The following TNXB variants were observed in gnomAD, a reference collection of about 807,000 sequenced individuals.
TNXB encodes the protein tenascin-X.
Under a neutral mutation model 340.5 loss-of-function variants are expected in TNXB, and 183 were observed. The observed-to-expected ratio is 0.54, with a 90% confidence interval of 0.48 to 0.61. The LOEUF (loss-of-function observed/expected upper bound fraction) is 0.61, where lower values mean the gene tolerates loss of function less well. TNXB is among the 20% of genes least tolerant of loss of function. The probability of loss-of-function intolerance (pLI) is 0.00; values close to 1 mark genes in which losing one functional copy is unlikely to be tolerated. For synonymous variants in TNXB, 2,121 were observed against 2,314.5 expected, an observed-to-expected ratio of 0.92 and a Z score of 2.40; for missense variants, 4,613 against 5,446.4, an observed-to-expected ratio of 0.85 and a Z score of 4.82.
At chr6:32,107,358 A>T (rs755183397) in intron 1 of TNXB, among the ~76,000 whole-genome samples, 5 of 152,124 alleles carry the variant, frequency 3.3e-5, no homozygotes, top group Non-Finnish European at 2.9e-5. Context: ...AGAGCAGAGC[A>T]GCCTCCATTG....
At chr6:32,098,259 A>C (rs530903931) in intron 1 of TNXB, 53 bp from the exon 2 acceptor site, 9 of 1,385,518 alleles carry the variant, frequency 6.5e-6, no homozygotes, top group Non-Finnish European at 8.6e-6. Context: ...AGACAAAATG[A>C]ATCCCCCCTT....
rs753626007 is a variant in TNXB at position 32,070,381 on chromosome 6, G to C, written c.5024C>G (p.Pro1675Arg). ...TGTCACCCACAGCTCCCCAAGGCGG[G>C]GTGGGGCCCCTGGGCTGGCGTCACC... ...ARGDASPGAP[P>R]RLGELWVTDP... The change falls in exon 14 of 44, where the codon CCC (proline) becomes CGC (arginine). Residue 1675 changes from proline to arginine, a missense_variant. Around this residue, in one of 7 missense-constraint regions of TNXB, gnomAD observed 4,327 missense variants for 4,859.4 expected, o/e 0.89. Transcript: ENST00000644971. This position sits in a 1 kb window ranked among gnomAD's most constrained non-coding sequence, Gnocchi z 6.0. 3.1e-6 allele frequency: 5 copies of C among 1,598,696 alleles called. No homozygotes were observed. The Admixed American group carries it at 5.0e-5, about 16-fold the overall frequency.
At position 32,095,880 on chromosome 6, in the gene TNXB, C is replaced by T; in HGVS notation, c.1973G>A (p.Gly658Glu). ...ATRMCPADCR[G>E]RGRCVQGVCL... ...CACTCCTTGCACACACCGCCCACGT[C>T]CCCGGCAGTCAGCCGGGCACATGCG... The change falls in exon 3 of 44, where the codon GGA becomes GAA. Residue 658 changes from glycine (G) to glutamate (E), a missense_variant. Gly to Glu is a moderately conservative substitution (Grantham distance 98). Around this residue, in one of 7 missense-constraint regions of TNXB, gnomAD observed 4,327 missense variants for 4,859.4 expected, o/e 0.89. Transcript: ENST00000644971. 1.9e-6 allele frequency: 3 copies of T among 1,612,634 alleles called. No homozygotes were observed. The highest frequency in any genetic ancestry group is 2.2e-5 in the East Asian group (1 of 44,854).
In TNXB at chr6:32,089,205, C is replaced by T. The variant is rs1444461582; in HGVS notation, c.2515+18G>A. 1 of 1,585,926 alleles carries T rather than the reference C, an allele frequency of 6.3e-7. No homozygotes were observed. The highest frequency in any genetic ancestry group is 2.2e-5 in the East Asian group (1 of 44,538). Reference sequence around the variant, plus strand: ...GATCTCCACTCAGGACACCCCTCCCCACAGCCCCAGCTCTCACTGGTGGTG... The same window carrying T: ...GATCTCCACTCAGGACACCCCTCCCTACAGCCCCAGCTCTCACTGGTGGTG... On this transcript the variant is annotated intron_variant, in intron 5 of 43. Coordinates refer to ENST00000644971, the MANE Select transcript of TNXB (RefSeq NM_001365276.2). The surrounding 1 kb of genome is among the most constrained non-coding windows in gnomAD (Gnocchi z 6.2).
intron 1 of TNXB, among the ~76,000 whole-genome samples, chr6:32,103,727 CTTT>C (rs28986186): frequency 4.9e-5 from 6 of 123,386 alleles, no homozygotes; most frequent in Admixed American, 8.3e-5. Context: ...TTCACCGCAT[CTTT>C]TTTTTTTTTT....
rs142426101 is a variant in TNXB, at chr6:32,106,196, T to C, written c.-9+2985A>G. 6.7e-3 allele frequency among the ~76,000 whole-genome samples: 1,018 copies of C among 151,056 alleles called. 42 individuals are homozygous for C. In the South Asian group the frequency reaches 0.089, roughly 13 times the overall value. ...CTTGATCTGGATGACGGTTACCCAG[T>C]TGTATGTGTTTGTGGAGTTTACTGA... is the stretch of plus-strand genomic sequence containing the variant. On this transcript the variant is annotated intron_variant, in intron 1 of 43. Coordinates refer to ENST00000644971, the MANE Select transcript of TNXB (RefSeq NM_001365276.2).
Position 32,056,790 on chromosome 6 carries a change from A to T in TNXB, c.7939T>A (p.Ser2647Thr). Reference protein sequence around the residue: ...TDATPDSLSLSWTVPEGQFDH... With the variant: ...TDATPDSLSLTWTVPEGQFDH... ...AACTGGCCCTCGGGAACCGTCCAGG[A>T]CAGGCTGAGGGAGTCAGGGGTGGCA... Residue 2647 changes from serine to threonine, a missense_variant, in exon 23 of 44, where the codon TCC becomes ACC. Physicochemically the swap from Ser to Thr is moderately conservative, Grantham distance 58. Coordinates refer to ENST00000644971, the MANE Select transcript of TNXB (RefSeq NM_001365276.2). 6.2e-7 allele frequency: 1 copy of T among 1,613,248 alleles called. No individual in the cohort carries two copies. The highest frequency in any genetic ancestry group is 8.5e-7 in the Non-Finnish European group (1 of 1,179,840).
chr6:32,106,983 A>G (rs759230368), intron 1 of TNXB, among the ~76,000 whole-genome samples: 7 of 152,258 alleles, frequency 4.6e-5, no homozygotes, highest in Non-Finnish European at 7.3e-5. Flanking sequence ...ATGGGTGCCC[A>G]TGCACACACG....
intron 1 of TNXB, among the ~76,000 whole-genome samples, chr6:32,102,980 G>A (rs1780796390): frequency 1.3e-5 from 2 of 152,088 alleles, no homozygotes; most frequent in South Asian, 4.2e-4. Flanking sequence ...TAGAAGATAG[G>A]ATCAGATTAC....
chr6:32,069,211 G>C lies in TNXB; in HGVS notation c.5588-75C>G. On this transcript the variant is annotated intron_variant, in intron 15 of 43. Coordinates refer to ENST00000644971, the MANE Select transcript of TNXB (RefSeq NM_001365276.2). This position sits in a 1 kb window ranked among gnomAD's most constrained non-coding sequence, Gnocchi z 6.2. ...CAGACTCTCAGGAGGAGTGAGGGAG[G>C]AGAGGGAGTGAGGGCAAGCAGTCAG... The C allele has an allele frequency of 7.0e-7, 1 of 1,420,994 alleles. No individual in the cohort carries two copies. Among genetic ancestry groups the C allele is most frequent in the East Asian group, 2.4e-5 (1 of 41,830 alleles). The allele number at this position is 1,420,994 out of a possible 1,614,324, so 88.0% of individuals were successfully genotyped here.
At position 32,070,411 on chromosome 6, in the gene TNXB, G is replaced by A. The variant is rs770132201; in HGVS notation, c.4994C>T (p.Ala1665Val). 6 of 1,586,380 alleles carry A rather than the reference G, an allele frequency of 3.8e-6. No homozygotes were observed. The South Asian group carries it at 6.8e-5, about 18-fold the overall frequency. Residue 1665 changes from alanine (A) to valine (V), a missense_variant, in exon 14 of 44, where the codon GCC (alanine) becomes GTC (valine). Around this residue, in one of 7 missense-constraint regions of TNXB, gnomAD observed 4,327 missense variants for 4,859.4 expected, o/e 0.89. Transcript: ENST00000644971. This position sits in a 1 kb window ranked among gnomAD's most constrained non-coding sequence, Gnocchi z 6.0. Reference protein sequence around the residue: ...SPVSVEAKTVARGDASPGAPP... With the variant: ...SPVSVEAKTVVRGDASPGAPP... ...GGCCCCTGGGCTGGCGTCACCTCGGGCAACTGGAGAGGAAAGGTTCTTGTG... is the reference window on the plus strand; with the variant it reads ...GGCCCCTGGGCTGGCGTCACCTCGGACAACTGGAGAGGAAAGGTTCTTGTG...
At position 32,093,243 on chromosome 6, in the gene TNXB, G is replaced by C. The variant is rs1160199618; in HGVS notation, c.2358+1833C>G. The C allele has an allele frequency of 4.6e-6, 3 of 645,818 alleles. No individual in the cohort carries two copies. The South Asian group carries it at 5.2e-5, about 11-fold the overall frequency. The allele number at this position is 645,818 out of a possible 1,614,324, so 40.0% of individuals were successfully genotyped here. A position where few individuals can be genotyped will look rare whatever the true frequency, so the allele number is the denominator to read the frequency against. ...AGAAACACTTTAAAATGTTAGCAGT[G>C]CTTGTTTTAGTGAGGAGCAGCCAGG... On this transcript the variant is annotated intron_variant, in intron 4 of 43. Transcript: ENST00000644971.
Position 32,049,954 on chromosome 6 carries a change from GC to G in TNXB, c.9439+43del. 6.2e-7 allele frequency: 1 copy of G among 1,610,024 alleles called. No homozygotes were observed. Among genetic ancestry groups the G allele is most frequent in the South Asian group, 1.1e-5 (1 of 90,992 alleles). On this transcript the variant is annotated intron_variant, in intron 27 of 43. Transcript: ENST00000644971. This position sits in a 1 kb window ranked among gnomAD's most constrained non-coding sequence, Gnocchi z 4.5. ...AGTCATCACCAAAGAGCAAGAGGTG[GC>G]CCTCCCACAGCTCCCACCCTGGGGC...
At chr6:32,057,958 T>C (rs1330821577) in intron 22 of TNXB, 100 bp downstream of exon 22, 3 of 1,352,104 alleles carry the variant, frequency 2.2e-6, no homozygotes, top group African/African-American at 2.9e-5. Flanking sequence ...TTCCTTTCAC[T>C]GTGAGCCCCA....
chr6:32,076,685 CA>C (rs1298792007), intron 11 of TNXB, among the ~76,000 whole-genome samples: 1 of 152,136 alleles, frequency 6.6e-6, no homozygotes, highest in East Asian at 1.9e-4. Flanking sequence ...GTAAGTTTTT[CA>C]AGATCATACA....
In TNXB at chr6:32,108,415, G is replaced by C. The variant is rs887392472; in HGVS notation, c.-9+766C>G. The stretch of plus-strand genomic sequence containing the variant: ...GTTCAGACAGACAGAGGCAAGGGGA[G>C]CCTGGAAGGGGCACAGAGTGAAGAC... On this transcript the variant is annotated intron_variant, in intron 1 of 43. Transcript: ENST00000644971. The surrounding 1 kb of genome is among the most constrained non-coding windows in gnomAD (Gnocchi z 4.8). 6.6e-6 allele frequency among the ~76,000 whole-genome samples: 1 copy of C among 152,136 alleles called. No homozygotes were observed. Among genetic ancestry groups the C allele is most frequent in the African/African-American group, 2.4e-5 (1 of 41,424 alleles).
Position 32,047,615 on chromosome 6 carries a change from A to T in TNXB, c.10324+119T>A. 1 of 1,184,612 alleles carries T rather than the reference A, an allele frequency of 8.4e-7. No individual in the cohort carries two copies. Among genetic ancestry groups the T allele is most frequent in the Non-Finnish European group, 1.2e-6 (1 of 869,400 alleles). The allele number at this position is 1,184,612 out of a possible 1,614,324, so 73.4% of individuals were successfully genotyped here. ...GACACACAGAGGGACTCACTTTCGG[A>T]GTTAAGATGGTTGTGTCAGGGCTGA... is the stretch of plus-strand genomic sequence containing the variant. On this transcript the variant is annotated intron_variant, in intron 30 of 43. Coordinates refer to ENST00000644971, the MANE Select transcript of TNXB (RefSeq NM_001365276.2). The surrounding 1 kb of genome is among the most constrained non-coding windows in gnomAD (Gnocchi z 6.2).
rs377113619 is a variant in TNXB, at chr6:32,048,600, C to A, written c.9808G>T (p.Val3270Leu). ...PVEPRLGELAVAAVTSDSVGL... is the reference protein window; with the variant it reads ...PVEPRLGELALAAVTSDSVGL... ...ACTGAGTCCGAGGTCACGGCCGCCA[C>A]CGCCAGCTCCCCCAGGCGGGGCTCC... is the stretch of plus-strand genomic sequence containing the variant. Residue 3270 changes from valine to leucine, a missense_variant, in exon 29 of 44, where the codon GTG becomes TTG. Val to Leu is a conservative substitution (Grantham distance 32). Around this residue, in one of 7 missense-constraint regions of TNXB, gnomAD observed 4,327 missense variants for 4,859.4 expected, o/e 0.89. Transcript: ENST00000644971. The A allele has an allele frequency of 3.9e-6, 6 of 1,534,690 alleles. No homozygotes were observed. The highest frequency in any genetic ancestry group is 5.3e-6 in the Non-Finnish European group (6 of 1,135,702).
chr6:32,078,597 T>C (rs1165114611), intron 11 of TNXB: 4 of 201,898 alleles, frequency 2.0e-5, no homozygotes, highest in South Asian at 1.9e-4. Flanking sequence ...GAGGAGATGA[T>C]AGGACACCTT....
Sources: allele counts gnomAD v4.1 joint callset (sites outside exome capture counted in the v4.1 genomes callset), GRCh38; gene constraint gnomAD v4.1.1; regional missense constraint gnomAD v4.1.1; non-coding constraint Gnocchi (gnomAD v3.1); transcripts MANE v1.5; gene names NCBI Gene and HGNC (gene_info 2026-07-23, HGNC 2026-07-21).